MYH11: variants seen among roughly 807,000 people sequenced by gnomAD.
The protein encoded by MYH11 is myosin-11.
MYH11 carries 80 observed loss-of-function variants against 246.6 expected under a neutral mutation model. The observed-to-expected ratio is 0.32, with a 90% CI of 0.27 to 0.39. The LOEUF (loss-of-function observed/expected upper bound fraction) is 0.39, where lower values mean the gene tolerates loss of function less well. Among genes scored for constraint, MYH11 ranks in the 10% least tolerant of loss-of-function variants. The probability of loss-of-function intolerance (pLI) is 1.00; values close to 1 mark genes in which losing one functional copy is unlikely to be tolerated. For missense variants in MYH11, 2,158 were observed against 2,546.8 expected (o/e 0.85, Z 3.29); for synonymous variants, 1,071 against 1,015.5 (o/e 1.05, Z -1.04).
Position 15,715,194 on chromosome 16 carries a change from C to T in MYH11, c.5583G>A (p.Glu1861=). 1.9e-6 allele frequency: 3 copies of T among 1,614,012 alleles called. No individual in the cohort carries two copies. Among genetic ancestry groups the T allele is most frequent in the South Asian group, 1.1e-5 (1 of 91,086 alleles). ...LKEILLQVED[E]RKMAEQYKEQ... ...CCTTGTACTGCTCGGCCATCTTGCGCTCGTCCTCCACCTGCAGCAAGATTT... is the reference window on the plus strand; with the variant it reads ...CCTTGTACTGCTCGGCCATCTTGCGTTCGTCCTCCACCTGCAGCAAGATTT... Residue 1861 remains glutamate (E), a synonymous_variant, in exon 39 of 41, where the codon GAG becomes GAA. Coordinates refer to ENST00000300036, the MANE Select transcript of MYH11 (RefSeq NM_002474.3).
chr16:15,715,369 G>A, intron 38 of MYH11, 97 bp from the exon 39 acceptor site: 1 of 1,092,170 alleles, frequency 9.2e-7, no homozygotes, highest in Admixed American at 1.8e-5. Context: ...GCTTTCCTGA[G>A]CCCCGTATCT....
chr16:15,841,172 T>G (rs1420797093), intron 1 of MYH11, among the ~76,000 whole-genome samples: 1 of 152,212 alleles, frequency 6.6e-6, no homozygotes, highest in Non-Finnish European at 1.5e-5. Flanking sequence ...GGAGTCTTGC[T>G]CTGTTGTCTA....
At chr16:15,719,401 A>G in intron 35 of MYH11, 93 bp from the exon 36 acceptor site, 11 of 1,497,776 alleles carry the variant, frequency 7.3e-6, no homozygotes, top group South Asian at 1.1e-5. Context: ...TTGAAAGTAC[A>G]TGTTCTTCCT....
intron 3 of MYH11, among the ~76,000 whole-genome samples, chr16:15,811,504 AC>A (rs1288718679): frequency 6.6e-6 from 1 of 151,994 alleles, no homozygotes; most frequent in Non-Finnish European, 1.5e-5. Flanking sequence ...GCTGCCACCC[AC>A]CCTGTGTGGT....
chr16:15,784,649 T>C, intron 5 of MYH11: 1 of 1,608,842 alleles, frequency 6.2e-7, no homozygotes, highest in Non-Finnish European at 8.5e-7. Context: ...AGATCTAAGT[T>C]CACTCCGTGC....
At chr16:15,712,328 G>A (rs2039848885) in intron 40 of MYH11, among the ~76,000 whole-genome samples, 1 of 152,106 alleles carries the variant, frequency 6.6e-6, no homozygotes, top group Non-Finnish European at 1.5e-5. Context: ...AAGATTAGTT[G>A]AGACCTCTCA....
At chr16:15,747,365 AG>A (rs904241661) in intron 19 of MYH11, among the ~76,000 whole-genome samples, 11 of 152,186 alleles carry the variant, frequency 7.2e-5, no homozygotes, top group Admixed American at 2.6e-4. Flanking sequence ...ATGAGAACCC[AG>A]GTCTAAAACT....
chr16:15,741,221 G>C, intron 22 of MYH11: 1 of 609,980 alleles, frequency 1.6e-6, no homozygotes, highest in Non-Finnish European at 2.9e-6. Flanking sequence ...CCTCCATTCA[G>C]GCTTGCTGTT....
chr16:15,703,930 T>TTTTG lies in MYH11; in HGVS notation c.*57_*60dup, dbSNP rs564766108. On this transcript the variant is annotated 3_prime_UTR_variant, in exon 41 of 41. Transcript: ENST00000300036. ...TTGTTCTGGGTTGTTGTTGGGTTTTTTTTGTTTGTTTGTTTTGGTTTTTGG... is the reference window on the plus strand; with the variant it reads ...TTGTTCTGGGTTGTTGTTGGGTTTTTTTTGTTTGTTTGTTTGTTTTGGTTTTTGG... 5 of 1,574,052 alleles carry TTTTG rather than the reference T, an allele frequency of 3.2e-6. No homozygotes were observed. In the South Asian group the frequency reaches 3.3e-5, roughly 10 times the overall value.
At chr16:15,816,608 A>G (rs1283949666) in intron 3 of MYH11, among the ~76,000 whole-genome samples, 1 of 152,144 alleles carries the variant, frequency 6.6e-6, no homozygotes, top group Non-Finnish European at 1.5e-5. Flanking sequence ...AGATAAAATT[A>G]TACTGGGACT....
intron 2 of MYH11, among the ~76,000 whole-genome samples, chr16:15,824,976 C>T (rs1025118728): frequency 1.3e-5 from 2 of 152,174 alleles, no homozygotes; most frequent in South Asian, 2.1e-4. Flanking sequence ...CTCCTGTTTA[C>T]CCCACAGCGC....
chr16:15,843,643 G>C (rs1447494747), intron 1 of MYH11, among the ~76,000 whole-genome samples: 1 of 151,290 alleles, frequency 6.6e-6, no homozygotes, highest in African/African-American at 2.4e-5. Flanking sequence ...CAGTGAGTGG[G>C]TGAGTGGAGA....
chr16:15,750,004 A>C lies in MYH11; in HGVS notation c.2058+134T>G. 1 of 1,116,000 alleles carries C rather than the reference A, an allele frequency of 9.0e-7. No individual in the cohort carries two copies. Among genetic ancestry groups the C allele is most frequent in the Non-Finnish European group, 1.3e-6 (1 of 766,852 alleles). The allele number at this position is 1,116,000 out of a possible 1,614,324, so 69.1% of individuals were successfully genotyped here. On this transcript the variant is annotated intron_variant, in intron 16 of 40. Transcript: ENST00000300036. This position sits in a 1 kb window ranked among gnomAD's most constrained non-coding sequence, Gnocchi z 4.3. ...TCCAGGGATGGGGAATGGGTCTGAG[A>C]TTCAGATAGCCTTCCCCACATGGAA...
chr16:15,837,300 G>A (rs960712886), intron 2 of MYH11, among the ~76,000 whole-genome samples: 6 of 152,154 alleles, frequency 3.9e-5, no homozygotes, highest in Non-Finnish European at 5.9e-5. Context: ...GACAGAGAAC[G>A]ATGCCAATGA....
rs535619216 is a variant in MYH11 at position 15,752,535 on chromosome 16, C to T, written c.1864+859G>A. Among the ~76,000 whole-genome samples the T allele has an allele frequency of 2.6e-5, 4 of 152,236 alleles. No homozygotes were observed. In the South Asian group the frequency reaches 8.3e-4, roughly 32 times the overall value. On this transcript the variant is annotated intron_variant, in intron 15 of 40. Transcript: ENST00000300036. ...GGCCCGCCCCATCCCTGGCCCCAGA[C>T]CTGCAGAATTAGATCTTAGGGTAGG...
chr16:15,706,995 A>T (rs2039491274), intron 40 of MYH11, among the ~76,000 whole-genome samples: 1 of 152,158 alleles, frequency 6.6e-6, no homozygotes. Context: ...TACAGGAACT[A>T]AGGGACCCCC....
chr16:15,717,692 A>G, intron 37 of MYH11: 1 of 384,952 alleles, frequency 2.6e-6, no homozygotes, highest in Non-Finnish European at 4.8e-6. Context: ...GCTACTTGGG[A>G]GGTTGAAGCA....
At position 15,731,965 on chromosome 16, in the gene MYH11, T is replaced by C. The variant is rs143621598; in HGVS notation, c.3651+599A>G. ...TACCAGGCCTGGCCAATATTTTATT[T>C]TATTTTATTTTTTTGAGATGGAATC... On this transcript the variant is annotated intron_variant, in intron 27 of 40. Transcript: ENST00000300036. 8.6e-3 allele frequency among the ~76,000 whole-genome samples: 1,300 copies of C among 151,508 alleles called. 17 individuals carry two copies. The highest frequency in any genetic ancestry group is 0.012 in the Non-Finnish European group (845 of 67,834).
At chr16:15,844,719 T>A (rs917749247) in intron 1 of MYH11, among the ~76,000 whole-genome samples, 1 of 151,930 alleles carries the variant, frequency 6.6e-6, no homozygotes, top group African/African-American at 2.4e-5. Context: ...GGCATGATGA[T>A]GCGTGCTTGT....
Sources: allele counts gnomAD v4.1 joint callset (sites outside exome capture counted in the v4.1 genomes callset), GRCh38; gene constraint gnomAD v4.1.1; non-coding constraint Gnocchi (gnomAD v3.1); transcripts MANE v1.5; gene names NCBI Gene and HGNC (gene_info 2026-07-23, HGNC 2026-07-21).